The following CPAMD8 variants were observed in gnomAD, a reference collection of about 807,000 sequenced individuals.
CPAMD8 encodes the protein C3 and PZP like alpha-2-macroglobulin domain containing 8.
A neutral mutation model predicts 224.7 loss-of-function variants in CPAMD8; 146 were observed. The observed-to-expected ratio is 0.65, with a 90% CI of 0.57 to 0.75. The LOEUF is 0.75. Ranked by LOEUF, CPAMD8 falls within the 30% of genes least tolerant of loss-of-function variation. CPAMD8 has a pLI of 0.00. For missense variants in CPAMD8, 2,301 were observed against 2,537.5 expected (o/e 0.91, Z 2.00); for synonymous variants, 966 against 1,044.6 (o/e 0.92, Z 1.45).
intron 25 of CPAMD8, among the ~76,000 whole-genome samples, chr19:16,926,568 G>A (rs749290906): frequency 1.3e-5 from 2 of 151,838 alleles, no homozygotes; most frequent in African/African-American, 2.4e-5. Flanking sequence ...CACCTGCCTC[G>A]GCCTCCCAAA....
In CPAMD8 at chr19:16,903,866, G is replaced by A. The variant is rs200441202; in HGVS notation, c.4252-9C>T. On this transcript the variant is annotated splice_polypyrimidine_tract_variant and intron_variant, in intron 32 of 41. Transcript: ENST00000443236. Reference sequence around the variant, plus strand: ...AGAGCCACGCAGGTGTCCTGGGGATGGAGGAGGAGACGGCCATCAACCCTG... The same window carrying A: ...AGAGCCACGCAGGTGTCCTGGGGATAGAGGAGGAGACGGCCATCAACCCTG... 8.1e-5 allele frequency: 130 copies of A among 1,612,088 alleles called. No individual in the cohort carries two copies. Among genetic ancestry groups the A allele is most frequent in the Non-Finnish European group, 1.0e-4 (121 of 1,179,552 alleles).
intron 17 of CPAMD8, among the ~76,000 whole-genome samples, chr19:16,974,389 C>A (rs961785583): frequency 6.6e-6 from 1 of 151,772 alleles, no homozygotes; most frequent in Non-Finnish European, 1.5e-5. Context: ...GCAGTTCAGA[C>A]CCCCTGCCAC....
intron 9 of CPAMD8, among the ~76,000 whole-genome samples, chr19:17,001,598 T>C (rs1177624433): frequency 6.6e-6 from 1 of 151,602 alleles, no homozygotes; most frequent in African/African-American, 2.4e-5. Context: ...AGGGGCGTGC[T>C]CATAGGGGTG....
chr19:16,927,441 A>G (rs1448216662), intron 25 of CPAMD8, among the ~76,000 whole-genome samples: 1 of 151,818 alleles, frequency 6.6e-6, no homozygotes, highest in East Asian at 1.9e-4. Flanking sequence ...TTTATAAATT[A>G]CCCAGTCTTG....
At chr19:16,922,026 C>A in intron 26 of CPAMD8, 40 bp from the exon 27 acceptor site, 1 of 1,453,598 alleles carries the variant, frequency 6.9e-7, no homozygotes, top group Non-Finnish European at 9.4e-7. Context: ...TGTTGAGTGG[C>A]CTGGCCCAGG....
chr19:16,907,145 C>G (rs1009382462), intron 29 of CPAMD8, 28 bp from the exon 30 acceptor site: 4 of 1,514,160 alleles, frequency 2.6e-6, no homozygotes, highest in Non-Finnish European at 3.5e-6. Context: ...AAGGTGAAAC[C>G]TGGGAGGCTG....
At chr19:17,019,851 G>A (rs772355084) in intron 3 of CPAMD8, among the ~76,000 whole-genome samples, 3 of 151,584 alleles carry the variant, frequency 2.0e-5, no homozygotes, top group Non-Finnish European at 4.4e-5. Context: ...TTACAGATGT[G>A]AGCATGGCAC....
chr19:16,958,087 G>C (rs1475824573), intron 18 of CPAMD8, among the ~76,000 whole-genome samples, 172 bp from the exon 19 acceptor site: 2 of 151,816 alleles, frequency 1.3e-5, no homozygotes, highest in Non-Finnish European at 2.9e-5. Context: ...TTACCTGGCA[G>C]GGTTAACAGT....
intron 2 of CPAMD8, among the ~76,000 whole-genome samples, chr19:17,021,694 T>G (rs146238844): frequency 6.5e-4 from 99 of 152,240 alleles, no homozygotes; most frequent in South Asian, 1.9e-3. Flanking sequence ...CAACAAAAGG[T>G]CAGAGGGGGG....
chr19:16,915,846 TTCCC>T (rs1401160547), intron 27 of CPAMD8, among the ~76,000 whole-genome samples: 2 of 117,690 alleles, frequency 1.7e-5, no homozygotes, highest in South Asian at 3.0e-4. Flanking sequence ...CCTTCCTTCC[TTCCC>T]TCCCTCCCTC....
At chr19:16,989,848 T>C in intron 12 of CPAMD8, 77 bp from the exon 13 acceptor site, 1 of 1,417,102 alleles carries the variant, frequency 7.1e-7, no homozygotes, top group South Asian at 1.2e-5. Context: ...TTCTGCTTGC[T>C]CTGCCCAGAA....
intron 5 of CPAMD8, among the ~76,000 whole-genome samples, chr19:17,010,577 T>C (rs1425637938): frequency 6.6e-6 from 1 of 152,154 alleles, no homozygotes; most frequent in East Asian, 1.9e-4. Context: ...TTGAGTTGTA[T>C]AAGAGAACGT....
intron 10 of CPAMD8, among the ~76,000 whole-genome samples, chr19:16,999,994 AACTTTACTTACAATAACC>A: frequency 6.6e-6 from 1 of 152,040 alleles, no homozygotes; most frequent in Non-Finnish European, 1.5e-5. Flanking sequence ...GTGTTTTTTT[AACTTTACTTACAATAACC>A]TGTGAGGAAA....
intron 27 of CPAMD8, 90 bp from the exon 28 acceptor site, chr19:16,914,903 C>T (rs989204853): frequency 2.3e-6 from 2 of 880,732 alleles, no homozygotes; most frequent in South Asian, 1.7e-5. Context: ...CCTGGCACCA[C>T]CCCCGGCCTC....
intron 27 of CPAMD8, among the ~76,000 whole-genome samples, chr19:16,916,265 T>C (rs1327098926): frequency 1.3e-5 from 2 of 152,056 alleles, no homozygotes; most frequent in Non-Finnish European, 2.9e-5. Flanking sequence ...CCTCCCACAA[T>C]GGCCTCCCAA....
chr19:17,025,801 A>G (rs1451815527), intron 1 of CPAMD8, among the ~76,000 whole-genome samples: 1 of 152,198 alleles, frequency 6.6e-6, no homozygotes, highest in African/African-American at 2.4e-5. Flanking sequence ...AGAGCGCAGT[A>G]GACTGTCTTG....
At chr19:16,990,314 G>A (rs1340981633) in intron 12 of CPAMD8, among the ~76,000 whole-genome samples, 2 of 151,844 alleles carry the variant, frequency 1.3e-5, no homozygotes, top group African/African-American at 4.8e-5. Context: ...GGCAGAGTGG[G>A]TGCATACCTA....
intron 2 of CPAMD8, 140 bp downstream of exon 2, chr19:17,021,890 T>G: frequency 2.9e-6 from 1 of 348,168 alleles, no homozygotes. Context: ...CTGTCTTCCC[T>G]CCCTCCCTCC....
chr19:16,970,621 C>A (rs1418199680), intron 18 of CPAMD8, among the ~76,000 whole-genome samples: 1 of 151,690 alleles, frequency 6.6e-6, no homozygotes, highest in African/African-American at 2.4e-5. Context: ...CTCCAGAGAG[C>A]TCCCTCACTC....
Sources: allele counts gnomAD v4.1 joint callset (sites outside exome capture counted in the v4.1 genomes callset), GRCh38; gene constraint gnomAD v4.1.1; transcripts MANE v1.5; gene names NCBI Gene and HGNC (gene_info 2026-07-23, HGNC 2026-07-21).